MYO7A: variants seen among roughly 807,000 people sequenced by gnomAD.
The protein encoded by MYO7A is unconventional myosin-VIIa.
Under a neutral mutation model 263.8 loss-of-function variants are expected in MYO7A, and 210 were observed. The observed-to-expected ratio is 0.80, with a 90% CI of 0.71 to 0.89. The LOEUF (loss-of-function observed/expected upper bound fraction) is 0.89. Ranked by LOEUF, MYO7A falls within the 40% of genes least tolerant of loss-of-function variation. MYO7A has a pLI of 0.00. For synonymous variants in MYO7A, 1,239 were observed against 1,197.3 expected, an observed-to-expected ratio of 1.03 and a Z score of -0.72; for missense variants, 2,820 against 2,968.3, an observed-to-expected ratio of 0.95 and a Z score of 1.16.
rs867352329 is a variant in MYO7A at position 77,211,851 on chromosome 11, G to A, written c.6268G>A (p.Gly2090Arg). Reference protein sequence around the residue: ...SIVAYFNKHAGKSKEEAKLAF... With the variant: ...SIVAYFNKHARKSKEEAKLAF... ...CGTCGCCTACTTCAACAAGCACGCA[G>A]GGAAGTCCAAGGAGGAGGCCAAGCT... Residue 2090 changes from glycine (G) to arginine (R), a missense_variant, in exon 46 of 49, where the codon GGG becomes AGG. By Grantham distance (125) the Gly-to-Arg change is moderately radical. Transcript: ENST00000409709. The A allele has an allele frequency of 6.2e-7, 1 of 1,613,978 alleles. No homozygotes were observed. The highest frequency in any genetic ancestry group is 8.5e-7 in the Non-Finnish European group (1 of 1,179,876).
intron 45 of MYO7A, 57 bp from the exon 46 acceptor site, chr11:77,211,764 C>G (rs563036592): frequency 2.1e-6 from 3 of 1,411,066 alleles, no homozygotes; most frequent in Non-Finnish European, 3.0e-6. Flanking sequence ...AGCTGGCCTG[C>G]CCTGAGCAGG....
chr11:77,158,502 G>T, intron 9 of MYO7A, 72 bp downstream of exon 9: 1 of 1,515,022 alleles, frequency 6.6e-7, no homozygotes, highest in South Asian at 1.2e-5. Context: ...TGCCCACGTG[G>T]TATTGGCAGC....
At chr11:77,189,081 C>T (rs748935122) in intron 27 of MYO7A, among the ~76,000 whole-genome samples, 79 of 152,302 alleles carry the variant, frequency 5.2e-4, no homozygotes, top group Non-Finnish European at 9.6e-4. Flanking sequence ...GCAGGATACG[C>T]ACCACCCTGG....
Position 77,198,522 on chromosome 11 carries a change from T to C in MYO7A, c.4469T>C (p.Ile1490Thr). The part of the protein sequence containing the change: ...SGPSLPKNDV[I>T]VAVNWTGVYF... ...CCCAGTCTCCCCAAGAACGACGTCA[T>C]CGTGGCCGTCAACTGGACGGGTGTG... Residue 1490 changes from isoleucine to threonine, a missense_variant, in exon 34 of 49, where the codon ATC (isoleucine) becomes ACC (threonine). Physicochemically the swap from Ile to Thr is moderately conservative, Grantham distance 89. Transcript: ENST00000409709. The C allele has an allele frequency of 6.2e-7, 1 of 1,613,876 alleles. No individual in the cohort carries two copies. The highest frequency in any genetic ancestry group is 8.5e-7 in the Non-Finnish European group (1 of 1,179,874).
At chr11:77,211,973 G>A in intron 46 of MYO7A, 36 bp downstream of exon 46, 4 of 1,517,462 alleles carry the variant, frequency 2.6e-6, no homozygotes, top group Non-Finnish European at 3.7e-6. Flanking sequence ...AGGAGGAGGG[G>A]AACAGGGCAT....
Position 77,155,974 on chromosome 11 carries a change from A to C in MYO7A, c.353A>C (p.His118Pro). 3 of 1,613,368 alleles carry C rather than the reference A, an allele frequency of 1.9e-6. No individual in the cohort carries two copies. Among genetic ancestry groups the C allele is most frequent in the Non-Finnish European group, 2.5e-6 (3 of 1,179,678 alleles). Residue 118 changes from histidine to proline, a missense_variant, in exon 5 of 49, where the codon CAC (histidine) becomes CCC (proline). By Grantham distance (77) the His-to-Pro change is moderately conservative. Coordinates refer to ENST00000409709, the MANE Select transcript of MYO7A (RefSeq NM_000260.4). Reference protein sequence around the residue: ...YQLLSIYSPEHIRQYTNKKIG... With the variant: ...YQLLSIYSPEPIRQYTNKKIG... ...CTGCTCTCCATCTACTCGCCAGAGC[A>C]CATCCGCCAGTATACCAACAAGAAG...
intron 34 of MYO7A, 95 bp downstream of exon 34, chr11:77,198,716 G>A (rs1956860392): frequency 1.9e-6 from 3 of 1,553,290 alleles, no homozygotes; most frequent in Non-Finnish European, 2.6e-6. Context: ...GGCATGAAGT[G>A]GCCTGCCTGG....
chr11:77,190,849 C>T lies in MYO7A; in HGVS notation c.3903C>T (p.Leu1301=). The T allele has an allele frequency of 6.3e-7, 1 of 1,575,668 alleles. No homozygotes were observed. The highest frequency in any genetic ancestry group is 8.6e-7 in the Non-Finnish European group (1 of 1,158,678). Residue 1301 remains leucine, a synonymous_variant, in exon 30 of 49, where the codon CTC becomes CTT. Coordinates refer to ENST00000409709, the MANE Select transcript of MYO7A (RefSeq NM_000260.4). ...ISLKDRFGFS[L]YIALFDKVSS... ...TCAAGGACCGGTTCGGGTTCTCCCT[C>T]TACATTGCCCTGTTTGACAAGGTAT...
chr11:77,148,201 C>T (rs908695727), intron 4 of MYO7A, among the ~76,000 whole-genome samples: 104 of 152,320 alleles, frequency 6.8e-4, no homozygotes, highest in African/African-American at 2.3e-3. Context: ...GTTTGTACTA[C>T]GCAGTTTTCA....
At chr11:77,211,539 G>A (rs1413874417) in intron 45 of MYO7A, among the ~76,000 whole-genome samples, 1 of 152,146 alleles carries the variant, frequency 6.6e-6, no homozygotes, top group Non-Finnish European at 1.5e-5. Flanking sequence ...CCACTTGGCA[G>A]TCATTTATCC....
At position 77,190,735 on chromosome 11, in the gene MYO7A, A is replaced by C. The variant is rs373880928; in HGVS notation, c.3789A>C (p.Thr1263=). Reference sequence around the variant, plus strand: ...AGAAGCCAATCATGTTGCCCGTGACATTCATGGATGGGACCACCAAGACCC... The same window carrying C: ...AGAAGCCAATCATGTTGCCCGTGACCTTCATGGATGGGACCACCAAGACCC... ...KSKKPIMLPV[T]FMDGTTKTLL... is the part of the protein sequence containing the mutation. The change falls in exon 30 of 49, where the codon ACA becomes ACC. Residue 1263 remains threonine, a synonymous_variant. Coordinates refer to ENST00000409709, the MANE Select transcript of MYO7A (RefSeq NM_000260.4). The C allele has an allele frequency of 1.1e-5, 17 of 1,599,638 alleles. No homozygotes were observed. Among genetic ancestry groups the C allele is most frequent in the Non-Finnish European group, 1.3e-5 (15 of 1,173,720 alleles).
chr11:77,152,144 C>G (rs782109753), intron 4 of MYO7A, among the ~76,000 whole-genome samples: 1 of 152,176 alleles, frequency 6.6e-6, no homozygotes. Context: ...TCTGCCTCAC[C>G]GAGGAAAGAG....
rs1484229573 is a variant in MYO7A, at chr11:77,211,994, C to T, written c.6354+57C>T. ...AGGGGAACAGGGCATTGATAAAGCA[C>T]AGAGACTCCTCCCTAGGACTGTGGG... On this transcript the variant is annotated intron_variant, in intron 46 of 48. Transcript: ENST00000409709. 2.2e-6 allele frequency: 3 copies of T among 1,372,244 alleles called. No individual in the cohort carries two copies. The African/African-American group carries it at 4.3e-5, about 20-fold the overall frequency. 85.0% of individuals were successfully genotyped at this position (1,372,244 alleles called of 1,614,324 possible).
chr11:77,209,037 C>G lies in MYO7A; in HGVS notation c.6051+234C>G, dbSNP rs885441. The G allele has an allele frequency of 0.56, 309,183 of 551,850 alleles. 87,789 individuals are homozygous for G. Among genetic ancestry groups the G allele is most frequent in the Admixed American group, 0.64 (20,496 of 32,212 alleles). 34.2% of individuals were successfully genotyped at this position (551,850 alleles called of 1,614,324 possible). A position where few individuals can be genotyped will look rare whatever the true frequency, so the allele number is the denominator to read the frequency against. ...CAGTTCCTCCTCTGAGCTTCCGATC[C>G]CTACCTGTTCAGGCCCCTCCTTCAG... On this transcript the variant is annotated intron_variant, in intron 44 of 48. Coordinates refer to ENST00000409709, the MANE Select transcript of MYO7A (RefSeq NM_000260.4).
chr11:77,206,036 C>T (rs1371973532), intron 40 of MYO7A, 61 bp from the exon 41 acceptor site: 12 of 1,337,888 alleles, frequency 9.0e-6, no homozygotes, highest in East Asian at 2.5e-5. Flanking sequence ...CCAAGTGTCC[C>T]GGTCCCCTGG....
At chr11:77,146,639 G>A (rs1010478024) in intron 3 of MYO7A, among the ~76,000 whole-genome samples, 4 of 152,108 alleles carry the variant, frequency 2.6e-5, no homozygotes, top group African/African-American at 9.7e-5. Context: ...GAAGGGACCT[G>A]GAGGAGGAGC....
Position 77,156,711 on chromosome 11 carries a change from C to T in MYO7A, c.522C>T (p.Phe174=). ...AGAGCACAAAGCTGATCCTGCAGTT[C>T]CTGGCAGCCATCAGTGGGCAGCACT... The part of the protein sequence containing the change: ...KTESTKLILQ[F]LAAISGQHSW... The change falls in exon 6 of 49, where the codon TTC becomes TTT. Residue 174 remains phenylalanine (F), a synonymous_variant. Transcript: ENST00000409709. 1 of 1,613,980 alleles carries T rather than the reference C, an allele frequency of 6.2e-7. No homozygotes were observed. The highest frequency in any genetic ancestry group is 8.5e-7 in the Non-Finnish European group (1 of 1,179,890).
chr11:77,144,881 T>C (rs558756796), intron 3 of MYO7A, among the ~76,000 whole-genome samples: 1 of 152,304 alleles, frequency 6.6e-6, no homozygotes, highest in African/African-American at 2.4e-5. Context: ...GAGCAAGCTG[T>C]CCCTGCTCAG....
At chr11:77,134,382 C>T (rs1950853575) in intron 2 of MYO7A, among the ~76,000 whole-genome samples, 1 of 152,078 alleles carries the variant, frequency 6.6e-6, no homozygotes, top group Non-Finnish European at 1.5e-5. Context: ...TGCCAGTTAA[C>T]ATAGATTTAT....
Sources: gnomAD v4.1 joint callset for allele counts (sites outside exome capture counted in the v4.1 genomes callset) on GRCh38, gnomAD v4.1.1 for gene constraint, MANE v1.5 for transcripts, NCBI Gene and HGNC (gene_info 2026-07-23, HGNC 2026-07-21) for gene names.